MTREX: variants seen among roughly 807,000 people sequenced by gnomAD.
MTREX encodes exosome RNA helicase MTR4.
A neutral mutation model predicts 135.4 loss-of-function variants in MTREX; 76 were observed. That is an observed-to-expected ratio of 0.56 (90% CI 0.47 to 0.68). The LOEUF is 0.68. Among genes scored for constraint, MTREX ranks in the 30% least tolerant of loss-of-function variants. MTREX has a pLI of 0.00. For synonymous variants in MTREX, 404 were observed against 401.6 expected (o/e 1.01, Z -0.07); for missense variants, 920 against 1,262.1 (o/e 0.73, Z 4.11).
In MTREX at chr5:55,378,462, T is replaced by C. The variant is rs768069778; in HGVS notation, c.1959T>C (p.Phe653=). 5 of 1,609,312 alleles carry C rather than the reference T, an allele frequency of 3.1e-6. No homozygotes were observed. The South Asian group carries it at 5.6e-5, about 18-fold the overall frequency. ...ACAAACCAAAATACTGCTTACCTTT[T>C]CTACAACCAGGTCGTTTGGTAAAGG... ...YIHKPKYCLP[F]LQPGRLVKVK... is the part of the protein sequence containing the mutation. Residue 653 remains phenylalanine, a synonymous_variant, in exon 17 of 27, where the codon TTT becomes TTC. Coordinates refer to ENST00000230640, the MANE Select transcript of MTREX (RefSeq NM_015360.5).
chr5:55,403,497 G>A lies in MTREX; in HGVS notation c.2482-1928G>A, dbSNP rs569605447. The stretch of plus-strand genomic sequence containing the variant: ...ACCCATTATATCTAAAATATTTCAC[G>A]TATTTTTATATTCAAAATACAAACA... On this transcript the variant is annotated intron_variant, in intron 21 of 26. Transcript: ENST00000230640. 4.2e-4 allele frequency among the ~76,000 whole-genome samples: 64 copies of A among 152,194 alleles called. No homozygotes were observed. The South Asian group carries it at 5.6e-3, about 13-fold the overall frequency.
At chr5:55,391,534 A>G (rs1251307465) in intron 19 of MTREX, among the ~76,000 whole-genome samples, 1 of 152,162 alleles carries the variant, frequency 6.6e-6, no homozygotes, top group East Asian at 1.9e-4. Context: ...ATCTTCACAT[A>G]TGTCCCTAAA....
chr5:55,353,766 C>G (rs1020036391), intron 14 of MTREX, among the ~76,000 whole-genome samples: 1 of 152,088 alleles, frequency 6.6e-6, no homozygotes, highest in African/African-American at 2.4e-5. Context: ...CTCCTTCACT[C>G]CTACCTCTCC....
At chr5:55,342,707 A>G (rs372999027) in intron 7 of MTREX, among the ~76,000 whole-genome samples, 1 of 152,352 alleles carries the variant, frequency 6.6e-6, no homozygotes, top group African/African-American at 2.4e-5. Context: ...AGAAAGCAAT[A>G]GAATTTAAGA....
intron 16 of MTREX, among the ~76,000 whole-genome samples, chr5:55,375,769 T>C (rs891589225): frequency 1.3e-5 from 2 of 152,294 alleles, no homozygotes; most frequent in Admixed American, 6.5e-5. Context: ...TGTTTAGAGA[T>C]TGCAGTAAAG....
In MTREX at chr5:55,375,580, G is replaced by A. The variant is rs540963529; in HGVS notation, c.1811-2734G>A. 3.3e-5 allele frequency among the ~76,000 whole-genome samples: 5 copies of A among 152,138 alleles called. 1 individual carries two copies. In the South Asian group the frequency reaches 8.3e-4, roughly 25 times the overall value. On this transcript the variant is annotated intron_variant, in intron 16 of 26. Coordinates refer to ENST00000230640, the MANE Select transcript of MTREX (RefSeq NM_015360.5). ...TTTTTTCAAGGTGCCCACATTTCAT[G>A]TTGCTCAAACACACATGTTGTACAA... is the stretch of plus-strand genomic sequence containing the variant.
intron 14 of MTREX, among the ~76,000 whole-genome samples, 159 bp from the exon 15 acceptor site, chr5:55,358,414 C>G (rs1346942359): frequency 6.6e-6 from 1 of 152,080 alleles, no homozygotes; most frequent in Non-Finnish European, 1.5e-5. Flanking sequence ...CATTTTTGTG[C>G]TTTGACTTTA....
chr5:55,366,994 T>C (rs1317447285), intron 16 of MTREX, 119 bp downstream of exon 16: 15 of 699,678 alleles, frequency 2.1e-5, no homozygotes, highest in South Asian at 7.6e-5. Flanking sequence ...TCATACGTAA[T>C]GGACTGCACA....
At chr5:55,417,903 TTTTTTA>T (rs1274303450) in intron 25 of MTREX, among the ~76,000 whole-genome samples, 2 of 151,932 alleles carry the variant, frequency 1.3e-5, no homozygotes, top group Non-Finnish European at 2.9e-5. Flanking sequence ...TTTTTTTTAT[TTTTTTA>T]TTTTTATTTT....
In MTREX at chr5:55,340,128, AT is replaced by A; in HGVS notation, c.635del (p.Met212ArgfsTer16). The stretch of plus-strand genomic sequence containing the variant: ...TGAAGAATTTCAAGATGTTGGTTTG[AT>A]GACTGGTGATGTTACTATTAATCCT... The part of the protein sequence containing the change: ...MYEEFQDVGL[M>X]TGDVTINPTA... On this transcript the variant is annotated frameshift_variant, in exon 6 of 27. Transcript: ENST00000230640. LOFTEE classifies it high-confidence loss of function. 6.2e-7 allele frequency: 1 copy of A among 1,603,590 alleles called. No individual in the cohort carries two copies.
chr5:55,391,089 T>C (rs895169670), intron 19 of MTREX, among the ~76,000 whole-genome samples: 7 of 152,154 alleles, frequency 4.6e-5, no homozygotes, highest in African/African-American at 1.7e-4. Flanking sequence ...TTTTAAATAA[T>C]GTAGTGAGAT....
chr5:55,341,614 A>G (rs942046419), intron 6 of MTREX, 67 bp from the exon 7 acceptor site: 23 of 774,000 alleles, frequency 3.0e-5, no homozygotes, highest in Non-Finnish European at 4.3e-5. Context: ...GGAAAAAACA[A>G]CTTTTCTCTA....
At chr5:55,332,720 A>G (rs1018120026) in intron 5 of MTREX, among the ~76,000 whole-genome samples, 1 of 152,158 alleles carries the variant, frequency 6.6e-6, no homozygotes, top group Non-Finnish European at 1.5e-5. Flanking sequence ...ATTCATGAAG[A>G]TGGAGCTTTC....
At position 55,419,354 on chromosome 5, in the gene MTREX, T is replaced by A. The variant is rs184605464; in HGVS notation, c.2971+3222T>A. ...TCATATCCTGAGCCTCAGAAGTAGT[T>A]TTAAGTATTCTTCAAACATTAACTG... On this transcript the variant is annotated intron_variant, in intron 25 of 26. Transcript: ENST00000230640. 4.0e-3 allele frequency among the ~76,000 whole-genome samples: 610 copies of A among 152,346 alleles called. 4 individuals are homozygous for A. The highest frequency in any genetic ancestry group is 0.014 in the African/African-American group (582 of 41,584).
intron 16 of MTREX, among the ~76,000 whole-genome samples, chr5:55,374,690 A>G (rs954216660): frequency 8.5e-5 from 13 of 152,182 alleles, no homozygotes; most frequent in African/African-American, 2.7e-4. Context: ...CTACAACTAC[A>G]AATGCTAAAA....
intron 1 of MTREX, among the ~76,000 whole-genome samples, chr5:55,315,929 C>T (rs1175891184): frequency 6.7e-6 from 1 of 148,380 alleles, no homozygotes; most frequent in Non-Finnish European, 1.5e-5. Flanking sequence ...ATCAAATAAA[C>T]ACAGTTAGAA....
At chr5:55,397,260 A>C (rs534710539) in intron 19 of MTREX, among the ~76,000 whole-genome samples, 156 bp from the exon 20 acceptor site, 24 of 152,318 alleles carry the variant, frequency 1.6e-4, no homozygotes, top group Non-Finnish European at 1.3e-4. Flanking sequence ...GAAAAGCTTC[A>C]GTGTGGGAGA....
At chr5:55,373,665 A>G (rs1750243777) in intron 16 of MTREX, among the ~76,000 whole-genome samples, 1 of 151,970 alleles carries the variant, frequency 6.6e-6, no homozygotes, top group African/African-American at 2.4e-5. Context: ...AGTTGTAAAA[A>G]TTTCAATTTG....
intron 18 of MTREX, 30 bp downstream of exon 18, chr5:55,379,225 A>T (rs1750355041): frequency 7.7e-7 from 1 of 1,301,300 alleles, no homozygotes; most frequent in African/African-American, 1.5e-5. Flanking sequence ...TTAGAATTGT[A>T]TATCAATTTT....
Sources: gnomAD v4.1 joint callset for allele counts (sites outside exome capture counted in the v4.1 genomes callset) on GRCh38, gnomAD v4.1.1 for gene constraint, MANE v1.5 for transcripts, NCBI Gene and HGNC (gene_info 2026-07-23, HGNC 2026-07-21) for gene names.